The following DOCK3 variants were observed in gnomAD, a reference collection of about 807,000 sequenced individuals.
The protein encoded by DOCK3 is dedicator of cytokinesis 3, also known as dedicator of cytokinesis protein 3.
Under a neutral mutation model 265.6 loss-of-function variants are expected in DOCK3, and 60 were observed. The ratio of observed to expected loss-of-function variants is 0.23; its 90% confidence interval spans 0.18 to 0.28. The LOEUF (loss-of-function observed/expected upper bound fraction) is 0.28, where lower values mean the gene tolerates loss of function less well. Ranked by LOEUF, DOCK3 falls within the 10% of genes least tolerant of loss-of-function variation. The pLI is 1.00. For missense variants in DOCK3, 1,981 were observed against 2,594.3 expected (o/e 0.76, Z 5.14); for synonymous variants, 881 against 938.0 (o/e 0.94, Z 1.11).
intron 2 of DOCK3, among the ~76,000 whole-genome samples, chr3:50,835,631 G>A (rs1373095575): frequency 2.2e-4 from 34 of 152,110 alleles, no homozygotes. Context: ...TTTTTTATTA[G>A]CCAGTTTTTA....
intron 9 of DOCK3, among the ~76,000 whole-genome samples, chr3:51,142,996 C>G (rs555087301): frequency 6.6e-5 from 10 of 151,722 alleles, no homozygotes; most frequent in Non-Finnish European, 4.4e-5. Context: ...AAGTGATTCT[C>G]CTGCCTCAGC....
chr3:51,004,973 A>G (rs993688187), intron 5 of DOCK3, among the ~76,000 whole-genome samples: 3 of 150,448 alleles, frequency 2.0e-5, no homozygotes, highest in Non-Finnish European at 4.4e-5. Context: ...TTCATTTAAG[A>G]TTGGTGGAGC....
chr3:51,107,891 T>C (rs974537889), intron 9 of DOCK3, among the ~76,000 whole-genome samples: 2 of 152,164 alleles, frequency 1.3e-5, no homozygotes, highest in African/African-American at 4.8e-5. Flanking sequence ...AGTCATCATA[T>C]TCTTCAAGGT....
intron 10 of DOCK3, among the ~76,000 whole-genome samples, chr3:51,157,850 A>T (rs1424602586): frequency 7.5e-6 from 1 of 132,686 alleles, no homozygotes; most frequent in Non-Finnish European, 1.5e-5. Flanking sequence ...CCCAGGCCGG[A>T]CTGCAGTAGC....
At chr3:51,205,045 T>C (rs1320306618) in intron 12 of DOCK3, among the ~76,000 whole-genome samples, 3 of 151,986 alleles carry the variant, frequency 2.0e-5, no homozygotes, top group Non-Finnish European at 2.9e-5. Flanking sequence ...AGGGATAGCA[T>C]TGGGAGATAT....
At chr3:51,322,259 G>A (rs1381309510) in intron 32 of DOCK3, among the ~76,000 whole-genome samples, 1 of 152,194 alleles carries the variant, frequency 6.6e-6, no homozygotes, top group Non-Finnish European at 1.5e-5. Context: ...CTGGAGTGCA[G>A]TGGTGCAATC....
intron 1 of DOCK3, among the ~76,000 whole-genome samples, chr3:50,694,505 G>T (rs555993819): frequency 1.3e-5 from 2 of 152,128 alleles, no homozygotes; most frequent in South Asian, 2.1e-4. Flanking sequence ...TGGGTGGAGC[G>T]CATTAAAGAA....
At chr3:50,846,682 A>T (rs1241547105) in intron 3 of DOCK3, among the ~76,000 whole-genome samples, 1 of 152,016 alleles carries the variant, frequency 6.6e-6, no homozygotes, top group African/African-American at 2.4e-5. Flanking sequence ...TCAATTTTTG[A>T]ACTTGATATT....
intron 10 of DOCK3, 63 bp from the exon 11 acceptor site, chr3:51,159,181 A>C: frequency 7.1e-6 from 11 of 1,539,456 alleles, no homozygotes; most frequent in Non-Finnish European, 9.9e-6. Flanking sequence ...CTAGAGATTC[A>C]AAATGAATTT....
At chr3:50,719,421 T>A in intron 1 of DOCK3, 1 of 597,780 alleles carries the variant, frequency 1.7e-6, no homozygotes, top group East Asian at 2.8e-5. Flanking sequence ...AGTGGAGGGG[T>A]GCTCTCCTGA....
At chr3:51,229,899 CT>C (rs2090474868) in intron 19 of DOCK3, among the ~76,000 whole-genome samples, 1 of 152,162 alleles carries the variant, frequency 6.6e-6, no homozygotes. Flanking sequence ...ACAACCTTCC[CT>C]CAGCCTCTGG....
At chr3:51,108,014 A>G (rs1482851426) in intron 9 of DOCK3, among the ~76,000 whole-genome samples, 1 of 152,064 alleles carries the variant, frequency 6.6e-6, no homozygotes, top group Non-Finnish European at 1.5e-5. Context: ...ACAAGCCAGA[A>G]GAGATTGAGG....
At chr3:50,765,412 G>C (rs959618698) in intron 1 of DOCK3, among the ~76,000 whole-genome samples, 2 of 152,034 alleles carry the variant, frequency 1.3e-5, no homozygotes, top group African/African-American at 2.4e-5. Flanking sequence ...GTATCTGACA[G>C]ACACAGTAGG....
chr3:50,801,881 G>C (rs551015217), intron 2 of DOCK3, among the ~76,000 whole-genome samples: 1 of 152,246 alleles, frequency 6.6e-6, no homozygotes, highest in Admixed American at 6.5e-5. Context: ...TGGGTGTTCT[G>C]ATGTTGGGTG....
intron 22 of DOCK3, 38 bp downstream of exon 22, chr3:51,246,845 C>T (rs1289684110): frequency 1.3e-6 from 2 of 1,583,582 alleles, no homozygotes; most frequent in Non-Finnish European, 1.7e-6. Flanking sequence ...GAGACCCACT[C>T]ATGCAATTAT....
At chr3:50,823,454 C>T (rs956208923) in intron 2 of DOCK3, among the ~76,000 whole-genome samples, 1 of 152,210 alleles carries the variant, frequency 6.6e-6, no homozygotes, top group South Asian at 2.1e-4. Flanking sequence ...GTGGACACAG[C>T]ACATGTTTCA....
intron 12 of DOCK3, among the ~76,000 whole-genome samples, chr3:51,182,161 G>T (rs2087336622): frequency 6.6e-6 from 1 of 152,136 alleles, no homozygotes; most frequent in African/African-American, 2.4e-5. Context: ...AGATTCCAGA[G>T]TTAAACTGCC....
chr3:51,077,525 A>G (rs2082093883), intron 7 of DOCK3, among the ~76,000 whole-genome samples: 1 of 152,192 alleles, frequency 6.6e-6, no homozygotes, highest in Admixed American at 6.6e-5. Context: ...TTCTGAATAT[A>G]TTTTGAAGTT....
At chr3:50,907,014 C>A (rs1255110012) in intron 4 of DOCK3, among the ~76,000 whole-genome samples, 2 of 151,964 alleles carry the variant, frequency 1.3e-5, no homozygotes, top group Non-Finnish European at 2.9e-5. Context: ...TTGTTATGTA[C>A]CCAGTAGTCA....
Sources: gnomAD v4.1 joint callset for allele counts (sites outside exome capture counted in the v4.1 genomes callset) on GRCh38, gnomAD v4.1.1 for gene constraint, MANE v1.5 for transcripts, NCBI Gene and HGNC (gene_info 2026-07-23, HGNC 2026-07-21) for gene names.